Variants in GRIK4 observed in about 807,000 individuals in gnomAD.
GRIK4 encodes the protein glutamate receptor ionotropic, kainate 4.
GRIK4 carries 40 observed loss-of-function variants against 104.9 expected under a neutral mutation model. The observed-to-expected ratio is 0.38, with a 90% CI of 0.30 to 0.50. The LOEUF is 0.50. GRIK4 is among the 20% of genes least tolerant of loss of function. GRIK4 has a pLI of 0.93. For synonymous variants in GRIK4, 485 were observed against 524.9 expected (o/e 0.92, Z 1.04); for missense variants, 1,047 against 1,308.1 (o/e 0.80, Z 3.08).
At chr11:120,946,736 G>A (rs1161307075) in intron 14 of GRIK4, among the ~76,000 whole-genome samples, 3 of 152,180 alleles carry the variant, frequency 2.0e-5, no homozygotes, top group Non-Finnish European at 2.9e-5. Context: ...AGAGGAAAGA[G>A]GAAAGGCAAC....
At chr11:120,842,024 T>G (rs1953730384) in intron 8 of GRIK4, among the ~76,000 whole-genome samples, 1 of 152,082 alleles carries the variant, frequency 6.6e-6, no homozygotes, top group Non-Finnish European at 1.5e-5. Flanking sequence ...CCTTTGGAGG[T>G]TCTCTGTCCT....
At chr11:120,908,462 G>GAT (rs1942921165) in intron 13 of GRIK4, among the ~76,000 whole-genome samples, 3 of 150,194 alleles carry the variant, frequency 2.0e-5, no homozygotes. Flanking sequence ...CACACACACA[G>GAT]AGAGATTGAG....
intron 3 of GRIK4, among the ~76,000 whole-genome samples, chr11:120,706,907 G>A (rs1046677555): frequency 2.7e-4 from 41 of 152,210 alleles, no homozygotes; most frequent in African/African-American, 9.1e-4. Flanking sequence ...CCATATGAAC[G>A]GACTGACAGT....
At chr11:120,570,542 C>T (rs1391315521) in intron 1 of GRIK4, among the ~76,000 whole-genome samples, 1 of 152,182 alleles carries the variant, frequency 6.6e-6, no homozygotes, top group African/African-American at 2.4e-5. Flanking sequence ...TAGCCTCAAC[C>T]TCCTGGGCTC....
chr11:120,778,470 A>G (rs1952085801), intron 3 of GRIK4, among the ~76,000 whole-genome samples: 1 of 152,248 alleles, frequency 6.6e-6, no homozygotes, highest in Admixed American at 6.5e-5. Context: ...GTATTTAATG[A>G]TGTGGTTATT....
In GRIK4 at chr11:120,542,612, A is replaced by G. The variant is rs1251657474; in HGVS notation, c.-159+30725A>G. 1.4e-4 allele frequency among the ~76,000 whole-genome samples: 21 copies of G among 152,262 alleles called. 1 individual carries two copies. Among genetic ancestry groups the G allele is most frequent in the Admixed American group, 1.4e-3 (21 of 15,288 alleles). On this transcript the variant is annotated intron_variant, in intron 1 of 20. Transcript: ENST00000527524. ...GGAACTCCTACAACTTCACAGCAAA[A>G]TAACAACCCAATTAAAAAATGGGCA...
chr11:120,986,552 A>C lies in GRIK4; in HGVS notation c.*292A>C. 1 of 382,190 alleles carries C rather than the reference A, an allele frequency of 2.6e-6. No homozygotes were observed. The highest frequency in any genetic ancestry group is 4.6e-6 in the Non-Finnish European group (1 of 215,576). 23.7% of individuals were successfully genotyped at this position (382,190 alleles called of 1,614,324 possible). On this transcript the variant is annotated 3_prime_UTR_variant, in exon 21 of 21. Coordinates refer to ENST00000527524, the MANE Select transcript of GRIK4 (RefSeq NM_014619.5). ...TGGGTCTTTCCCTCTCGCCAAAATA[A>C]CAAGAGTATAGGGTGGGGGGTCCCT...
chr11:120,933,552 GGTAA>G (rs1365642649), intron 13 of GRIK4, among the ~76,000 whole-genome samples: 1 of 152,184 alleles, frequency 6.6e-6, no homozygotes, highest in African/African-American at 2.4e-5. Context: ...TCATACAACA[GGTAA>G]GTGAGTGCGA....
intron 4 of GRIK4, among the ~76,000 whole-genome samples, chr11:120,808,291 A>G (rs1040557247): frequency 2.0e-5 from 3 of 152,184 alleles, no homozygotes; most frequent in African/African-American, 7.2e-5. Context: ...TAAAATGGGA[A>G]TAAGAAGAGT....
At chr11:120,638,306 C>T (rs1028520114) in intron 1 of GRIK4, among the ~76,000 whole-genome samples, 1 of 152,164 alleles carries the variant, frequency 6.6e-6, no homozygotes, top group East Asian at 1.9e-4. Flanking sequence ...GTTACTACCC[C>T]TTTGGAGAAA....
chr11:120,532,301 C>T (rs1947931837), intron 1 of GRIK4, among the ~76,000 whole-genome samples: 1 of 152,212 alleles, frequency 6.6e-6, no homozygotes, highest in Admixed American at 6.5e-5. Flanking sequence ...ACCCCGCCCC[C>T]AGCTTCCTTT....
intron 3 of GRIK4, among the ~76,000 whole-genome samples, chr11:120,734,677 G>T (rs912490993): frequency 1.3e-5 from 2 of 151,892 alleles, no homozygotes; most frequent in East Asian, 3.9e-4. Context: ...AATAACTCAG[G>T]TTTGCCCTTT....
intron 20 of GRIK4, among the ~76,000 whole-genome samples, chr11:120,983,871 A>G (rs185514495): frequency 2.0e-5 from 3 of 152,362 alleles, no homozygotes; most frequent in African/African-American, 7.2e-5. Context: ...ACAGTCAATA[A>G]ATCTACATTG....
rs12295742 is a variant in GRIK4 at position 120,547,679 on chromosome 11, G to A, written c.-159+35792G>A. On this transcript the variant is annotated intron_variant, in intron 1 of 20. Transcript: ENST00000527524. ...AAATCAGAAAATCTTTCTTAGGGAG[G>A]GACCAGACATTACATGAGCTTGTCA... 5.3e-3 allele frequency among the ~76,000 whole-genome samples: 807 copies of A among 152,068 alleles called. 9 individuals are homozygous for A. Among genetic ancestry groups the A allele is most frequent in the African/African-American group, 0.018 (758 of 41,466 alleles).
At chr11:120,797,029 A>AATC (rs1952532253) in intron 3 of GRIK4, among the ~76,000 whole-genome samples, 2 of 152,106 alleles carry the variant, frequency 1.3e-5, no homozygotes, top group Non-Finnish European at 2.9e-5. Flanking sequence ...GCACAGGGTG[A>AATC]AGTTCTTGGG....
At chr11:120,883,905 C>T (rs1412252493) in intron 11 of GRIK4, among the ~76,000 whole-genome samples, 3 of 152,206 alleles carry the variant, frequency 2.0e-5, no homozygotes, top group East Asian at 1.9e-4. Flanking sequence ...CTGGAAGAGG[C>T]GGACCTGCTA....
chr11:120,914,040 G>A (rs989309764), intron 13 of GRIK4, among the ~76,000 whole-genome samples: 1 of 152,186 alleles, frequency 6.6e-6, no homozygotes, highest in African/African-American at 2.4e-5. Flanking sequence ...GCTCAGCGAG[G>A]GCTTTGCTTT....
At chr11:120,609,106 G>A (rs1287915314) in intron 1 of GRIK4, among the ~76,000 whole-genome samples, 2 of 152,170 alleles carry the variant, frequency 1.3e-5, no homozygotes, top group Non-Finnish European at 2.9e-5. Context: ...GAAGCCTGGG[G>A]TGGAGGCCCA....
At position 120,623,320 on chromosome 11, in the gene GRIK4, A is replaced by G. The variant is rs143881605; in HGVS notation, c.-158-30365A>G. Among the ~76,000 whole-genome samples the G allele has an allele frequency of 2.6e-4, 40 of 151,904 alleles. No homozygotes were observed. The East Asian group carries it at 7.4e-3, about 28-fold the overall frequency. On this transcript the variant is annotated intron_variant, in intron 1 of 20. Coordinates refer to ENST00000527524, the MANE Select transcript of GRIK4 (RefSeq NM_014619.5). ...TTTTATTTTTATTTTTTTGTAGAGT[A>G]TGGGGTCTTGTTATGTTTGCCAGGC... is the stretch of plus-strand genomic sequence containing the variant.
Sources: gnomAD v4.1 joint callset for allele counts (sites outside exome capture counted in the v4.1 genomes callset) on GRCh38, gnomAD v4.1.1 for gene constraint, MANE v1.5 for transcripts, NCBI Gene and HGNC (gene_info 2026-07-23, HGNC 2026-07-21) for gene names.